The following CAMTA1 variants were observed in gnomAD, a reference collection of about 807,000 sequenced individuals.
CAMTA1 encodes the protein calmodulin binding transcription activator 1.
Under a neutral mutation model 170.9 loss-of-function variants are expected in CAMTA1, and 27 were observed. The ratio of observed to expected loss-of-function variants is 0.16; its 90% CI spans 0.12 to 0.22. CAMTA1 has a LOEUF of 0.22. CAMTA1 is among the 10% of genes least tolerant of loss of function. The pLI is 1.00. For missense variants in CAMTA1, 1,619 were observed against 2,217.2 expected (o/e 0.73, Z 5.42); for synonymous variants, 833 against 891.5 (o/e 0.93, Z 1.17).
At chr1:7,504,329 G>A (rs535655969) in intron 6 of CAMTA1, among the ~76,000 whole-genome samples, 1 of 152,230 alleles carries the variant, frequency 6.6e-6, no homozygotes, top group South Asian at 2.1e-4. Flanking sequence ...TGTGGCTCCT[G>A]GTACCCAGGC....
chr1:7,058,605 G>C (rs1217235362), intron 3 of CAMTA1, among the ~76,000 whole-genome samples: 4 of 152,128 alleles, frequency 2.6e-5, no homozygotes, highest in Admixed American at 2.6e-4. Flanking sequence ...AGGAGGGGGT[G>C]CCTCTGTGGG....
rs530707037 is a variant in CAMTA1, at chr1:7,421,890, A to G, written c.439-45940A>G. Among the ~76,000 whole-genome samples, 28 of 151,672 alleles carry G rather than the reference A, an allele frequency of 1.8e-4. 1 individual carries two copies. The South Asian group carries it at 5.6e-3, about 31-fold the overall frequency. ...CCAGCAGCGCTCACTCCACACTGGA[A>G]GCCTCCCTCCCCTGGCAAGCGTTGC... On this transcript the variant is annotated intron_variant, in intron 5 of 22. Coordinates refer to ENST00000303635, the MANE Select transcript of CAMTA1 (RefSeq NM_015215.4).
chr1:7,507,175 ACACT>A (rs752741108), intron 6 of CAMTA1, among the ~76,000 whole-genome samples: 13 of 151,644 alleles, frequency 8.6e-5, no homozygotes, highest in East Asian at 3.9e-4. Flanking sequence ...ACACACGCTC[ACACT>A]CACATACATA....
intron 22 of CAMTA1, among the ~76,000 whole-genome samples, chr1:7,761,652 C>T (rs999679960): frequency 8.5e-5 from 13 of 152,080 alleles, no homozygotes. Flanking sequence ...AAATTCTTGT[C>T]TATATTTACC....
intron 3 of CAMTA1, among the ~76,000 whole-genome samples, chr1:6,923,614 G>A (rs1238614258): frequency 6.6e-6 from 1 of 152,124 alleles, no homozygotes; most frequent in African/African-American, 2.4e-5. Context: ...GGGGCTTCTG[G>A]TATGCAGGAA....
chr1:6,959,606 A>G lies in CAMTA1; in HGVS notation c.235-131698A>G, dbSNP rs1268294264. Among the ~76,000 whole-genome samples the G allele has an allele frequency of 2.0e-5, 3 of 152,222 alleles. 1 individual carries two copies. The highest frequency in any genetic ancestry group is 4.4e-5 in the Non-Finnish European group (3 of 68,040). On this transcript the variant is annotated intron_variant, in intron 3 of 22. Coordinates refer to ENST00000303635, the MANE Select transcript of CAMTA1 (RefSeq NM_015215.4). The stretch of plus-strand genomic sequence containing the variant: ...TGAGGCATAAAGTCAGGTGCCAGGA[A>G]AGTATTTATTGTTAATAAAAGTAGC...
At chr1:7,002,017 A>G (rs1003103151) in intron 3 of CAMTA1, among the ~76,000 whole-genome samples, 9 of 150,852 alleles carry the variant, frequency 6.0e-5, no homozygotes, top group African/African-American at 2.0e-4. Context: ...CTGCCTCAGC[A>G]TCCTGAGTAG....
intron 5 of CAMTA1, among the ~76,000 whole-genome samples, chr1:7,284,174 CTTCTTATTATTATTATTATTA>C (rs1379204843): frequency 2.6e-4 from 28 of 108,068 alleles, no homozygotes; most frequent in African/African-American, 9.9e-4. Flanking sequence ...TCTTCTTCTT[CTTCTTATTATTATTATTATTA>C]TTATTATTAT....
At chr1:6,808,165 G>C (rs1475003513) in intron 1 of CAMTA1, among the ~76,000 whole-genome samples, 1 of 151,990 alleles carries the variant, frequency 6.6e-6, no homozygotes, top group East Asian at 1.9e-4. Context: ...TGTTGTTAGG[G>C]GCCTGAAAGT....
At chr1:7,765,786 G>A (rs770885017) in intron 22 of CAMTA1, among the ~76,000 whole-genome samples, 7 of 152,156 alleles carry the variant, frequency 4.6e-5, no homozygotes, top group Non-Finnish European at 1.0e-4. Flanking sequence ...CCAGCACTTT[G>A]GGAGGCTGGG....
At chr1:6,853,887 A>G (rs935792862) in intron 3 of CAMTA1, among the ~76,000 whole-genome samples, 2 of 152,198 alleles carry the variant, frequency 1.3e-5, no homozygotes, top group African/African-American at 2.4e-5. Flanking sequence ...GTATGTACCT[A>G]AAAACACTAT....
chr1:7,187,174 G>T (rs1437687092), intron 4 of CAMTA1, among the ~76,000 whole-genome samples: 1 of 152,112 alleles, frequency 6.6e-6, no homozygotes, highest in Non-Finnish European at 1.5e-5. Context: ...GATTGAAAAT[G>T]ACTCCAGGTT....
chr1:7,477,727 C>G (rs1281630903), intron 6 of CAMTA1, among the ~76,000 whole-genome samples: 1 of 152,190 alleles, frequency 6.6e-6, no homozygotes, highest in Non-Finnish European at 1.5e-5. Flanking sequence ...GACATCCAGT[C>G]GGCTTTCTCA....
chr1:7,579,337 C>T (rs941138396), intron 6 of CAMTA1, among the ~76,000 whole-genome samples: 1 of 152,200 alleles, frequency 6.6e-6, no homozygotes, highest in African/African-American at 2.4e-5. Context: ...CAGCAACAAC[C>T]GTCACGATGG....
chr1:7,329,223 T>C (rs1409764957), intron 5 of CAMTA1, among the ~76,000 whole-genome samples: 2 of 152,218 alleles, frequency 1.3e-5, no homozygotes, highest in Non-Finnish European at 2.9e-5. Context: ...AATAACTTAA[T>C]GTAACTTCTA....
At chr1:7,055,848 A>G (rs547833025) in intron 3 of CAMTA1, among the ~76,000 whole-genome samples, 1 of 152,192 alleles carries the variant, frequency 6.6e-6, no homozygotes, top group Non-Finnish European at 1.5e-5. Context: ...TTGATGAAGT[A>G]CTTCAGGGCT....
At chr1:7,603,784 T>A (rs1398490703) in intron 6 of CAMTA1, among the ~76,000 whole-genome samples, 1 of 152,188 alleles carries the variant, frequency 6.6e-6, no homozygotes, top group African/African-American at 2.4e-5. Context: ...GCCTCGATGG[T>A]CTTTACAATT....
At chr1:7,658,363 C>T (rs563952387) in intron 7 of CAMTA1, among the ~76,000 whole-genome samples, 8 of 152,284 alleles carry the variant, frequency 5.3e-5, no homozygotes, top group South Asian at 4.1e-4. Context: ...GACAGAGCTG[C>T]GTGTTCTCCC....
At chr1:7,116,989 A>G (rs893938297) in intron 4 of CAMTA1, among the ~76,000 whole-genome samples, 2 of 118,540 alleles carry the variant, frequency 1.7e-5, no homozygotes, top group African/African-American at 6.6e-5. Context: ...TTTTTTTTTG[A>G]CAGAGTTTTG....
Sources: gnomAD v4.1 joint callset for allele counts (sites outside exome capture counted in the v4.1 genomes callset) on GRCh38, gnomAD v4.1.1 for gene constraint, MANE v1.5 for transcripts, NCBI Gene and HGNC (gene_info 2026-07-23, HGNC 2026-07-21) for gene names.